Variants in SGF29 observed in about 807,000 individuals in gnomAD.
SGF29 encodes the protein SAGA-associated factor 29.
Under a neutral mutation model 38.1 loss-of-function variants are expected in SGF29, and 15 were observed. That is an observed-to-expected ratio of 0.39 (90% confidence interval 0.26 to 0.61). SGF29 has a LOEUF of 0.61. Ranked by LOEUF, SGF29 falls within the 20% of genes least tolerant of loss-of-function variation. The pLI is 0.49. For missense variants in SGF29, 184 were observed against 394.6 expected, an observed-to-expected ratio of 0.47 and a Z score of 4.52; for synonymous variants, 151 against 160.8, an observed-to-expected ratio of 0.94 and a Z score of 0.46.
chr16:28,581,797 T>C (rs946442103), intron 2 of SGF29, among the ~76,000 whole-genome samples: 1 of 151,692 alleles, frequency 6.6e-6, no homozygotes, highest in Non-Finnish European at 1.5e-5. Flanking sequence ...CGGATGCCTA[T>C]AATCCCAGCT....
chr16:28,570,415 C>T (rs1412714508), intron 1 of SGF29, among the ~76,000 whole-genome samples: 1 of 152,086 alleles, frequency 6.6e-6, no homozygotes. Flanking sequence ...TATGCCTGTC[C>T]CACCGTTGTA....
intron 1 of SGF29, among the ~76,000 whole-genome samples, chr16:28,569,660 A>G (rs915781460): frequency 1.3e-5 from 2 of 152,206 alleles, no homozygotes; most frequent in African/African-American, 2.4e-5. Context: ...TCAAAAAGAA[A>G]AAAAAAGAAT....
intron 1 of SGF29, among the ~76,000 whole-genome samples, chr16:28,563,880 G>A (rs2046804706): frequency 6.6e-6 from 1 of 151,916 alleles, no homozygotes; most frequent in Admixed American, 6.6e-5. Context: ...CTGAGTAGCT[G>A]GGACTACAGG....
At position 28,575,943 on chromosome 16, in the gene SGF29, G is replaced by A. The variant is rs548126615; in HGVS notation, c.-15-5112G>A. On this transcript the variant is annotated intron_variant, in intron 1 of 9. Transcript: ENST00000317058. ...GAGGATTGGTTGAGCTCAGGAATTC[G>A]ACACCAGCCTGGGCAACATAGTGTG... 1.6e-4 allele frequency among the ~76,000 whole-genome samples: 24 copies of A among 152,158 alleles called. No individual in the cohort carries two copies. The East Asian group carries it at 4.1e-3, about 26-fold the overall frequency.
intron 4 of SGF29, among the ~76,000 whole-genome samples, chr16:28,587,200 C>T (rs1596608105): frequency 1.3e-5 from 2 of 152,282 alleles, no homozygotes; most frequent in East Asian, 3.9e-4. Flanking sequence ...TGTAACTATC[C>T]TGTTCATATC....
chr16:28,589,205 C>G, intron 5 of SGF29, 41 bp downstream of exon 5: 5 of 1,608,366 alleles, frequency 3.1e-6, no homozygotes, highest in Non-Finnish European at 4.3e-6. Context: ...TTTGCTAGGA[C>G]AAGAGGAGAG....
Position 28,582,849 on chromosome 16 carries a change from C to T in SGF29, c.75+1705C>T, listed in dbSNP as rs528300525. On this transcript the variant is annotated intron_variant, in intron 2 of 9. Transcript: ENST00000317058. ...ACTAGGGAGGCTGAGGCAGGAGAATCGCTTGAACCTGGGAAGTGGAGGTTG... is the reference window on the plus strand; with the variant it reads ...ACTAGGGAGGCTGAGGCAGGAGAATTGCTTGAACCTGGGAAGTGGAGGTTG... 4.6e-5 allele frequency among the ~76,000 whole-genome samples: 7 copies of T among 152,214 alleles called. No individual in the cohort carries two copies. The South Asian group carries it at 8.3e-4, about 18-fold the overall frequency.
At chr16:28,578,459 T>C (rs891786349) in intron 1 of SGF29, among the ~76,000 whole-genome samples, 2 of 152,142 alleles carry the variant, frequency 1.3e-5, no homozygotes, top group East Asian at 3.9e-4. Context: ...AGTCTGATGT[T>C]CGTTGTGGGT....
intron 1 of SGF29, among the ~76,000 whole-genome samples, chr16:28,564,560 TATATAC>T (rs2046812815): frequency 1.5e-5 from 2 of 134,874 alleles, no homozygotes; most frequent in East Asian, 2.0e-4. Context: ...CGTATATATA[TATATAC>T]GTATATATAT....
chr16:28,588,984 C>G (rs1355560816), intron 4 of SGF29, 116 bp from the exon 5 acceptor site: 1 of 1,067,914 alleles, frequency 9.4e-7, no homozygotes, highest in Non-Finnish European at 1.4e-6. Context: ...GTGAGAACCT[C>G]TGGAGTCCGG....
At chr16:28,578,338 T>C (rs924313874) in intron 1 of SGF29, among the ~76,000 whole-genome samples, 6 of 152,144 alleles carry the variant, frequency 3.9e-5, no homozygotes, top group African/African-American at 1.4e-4. Flanking sequence ...TTTCATCTTA[T>C]TGCCTCATTG....
Position 28,578,342 on chromosome 16 carries a change from C to G in SGF29, c.-15-2713C>G, listed in dbSNP as rs540031824. On this transcript the variant is annotated intron_variant, in intron 1 of 9. Coordinates refer to ENST00000317058, the MANE Select transcript of SGF29 (RefSeq NM_138414.3). ...GATGCCTTTTATTTCATCTTATTGC[C>G]TCATTGCCCTGGCGAGAGCCTCCAG... 6.6e-5 allele frequency among the ~76,000 whole-genome samples: 10 copies of G among 152,044 alleles called. No individual in the cohort carries two copies. In the South Asian group the frequency reaches 2.1e-3, roughly 32 times the overall value.
chr16:28,585,785 T>C, intron 4 of SGF29, 65 bp downstream of exon 4: 1 of 1,469,650 alleles, frequency 6.8e-7, no homozygotes, highest in Non-Finnish European at 9.5e-7. Context: ...TGCAGGTCCA[T>C]TTGGACCAAG....
intron 1 of SGF29, among the ~76,000 whole-genome samples, chr16:28,570,540 T>TA (rs2151646275): frequency 6.8e-6 from 1 of 147,682 alleles, no homozygotes; most frequent in Admixed American, 7.0e-5. Context: ...TTGATTTTTT[T>TA]AAATTTTATT....
intron 1 of SGF29, among the ~76,000 whole-genome samples, chr16:28,564,614 T>TAC (rs1567285740): frequency 7.8e-6 from 1 of 128,436 alleles, no homozygotes; most frequent in Non-Finnish European, 1.7e-5. Context: ...TGTATATATA[T>TAC]ACATATATGC....
chr16:28,585,394 T>C, intron 3 of SGF29: 3 of 570,496 alleles, frequency 5.3e-6, no homozygotes, highest in Non-Finnish European at 9.4e-6. Flanking sequence ...ACAAATATTT[T>C]CTGTGAGTGT....
At chr16:28,554,262 G>A (rs1397253773) in intron 1 of SGF29, 165 bp downstream of exon 1, 1 of 151,502 alleles carries the variant, frequency 6.6e-6, no homozygotes, top group Non-Finnish European at 1.5e-5. Flanking sequence ...GGGTGGGGGC[G>A]GGAGAGGAGG....
chr16:28,575,090 A>G (rs2046885189), intron 1 of SGF29, among the ~76,000 whole-genome samples: 1 of 152,144 alleles, frequency 6.6e-6, no homozygotes, highest in Non-Finnish European at 1.5e-5. Flanking sequence ...TCAGTTGTCC[A>G]GTGCATCCCT....
intron 1 of SGF29, among the ~76,000 whole-genome samples, chr16:28,559,470 G>A (rs2046772757): frequency 1.3e-5 from 2 of 152,072 alleles, no homozygotes; most frequent in Non-Finnish European, 2.9e-5. Context: ...TTTAACCTCC[G>A]CCTCCCGGAT....
Sources: allele counts gnomAD v4.1 joint callset (sites outside exome capture counted in the v4.1 genomes callset), GRCh38; gene constraint gnomAD v4.1.1; transcripts MANE v1.5; gene names NCBI Gene and HGNC (gene_info 2026-07-23, HGNC 2026-07-21).